DLG2: variants seen among roughly 807,000 people sequenced by gnomAD.
DLG2 encodes the protein disks large homolog 2.
In DLG2, 45 loss-of-function variants were observed where a neutral mutation model predicts 132.5. The observed-to-expected ratio is 0.34, with a 90% confidence interval of 0.27 to 0.44. The LOEUF is 0.44. Among genes scored for constraint, DLG2 ranks in the 20% least tolerant of loss-of-function variants. The pLI, the probability that DLG2 is intolerant of heterozygous loss-of-function variation, is 1.00. For synonymous variants in DLG2, 424 were observed against 419.6 expected (o/e 1.01, Z -0.13); for missense variants, 1,045 against 1,196.9 (o/e 0.87, Z 1.87).
In DLG2 at chr11:83,763,723, T is replaced by C. The variant is rs145734299; in HGVS notation, c.1825+22967A>G. 1.5e-3 allele frequency among the ~76,000 whole-genome samples: 231 copies of C among 152,298 alleles called. 1 individual carries two copies. The highest frequency in any genetic ancestry group is 4.7e-3 in the African/African-American group (195 of 41,562). ...CAGGTTTTTAAAATGGAATATAACA[T>C]ATAATGCTGTATCCCACATTAGCTG... On this transcript the variant is annotated intron_variant, in intron 18 of 27. Coordinates refer to ENST00000376104, the MANE Select transcript of DLG2 (RefSeq NM_001142699.3).
At position 84,819,320 on chromosome 11, in the gene DLG2, G is replaced by T. The variant is rs938595442; in HGVS notation, c.358-284589C>A. On this transcript the variant is annotated intron_variant, in intron 6 of 27. Coordinates refer to ENST00000376104, the MANE Select transcript of DLG2 (RefSeq NM_001142699.3). Reference sequence around the variant, plus strand: ...GCAAACTAGTCACCTCACAGAAAAAGCCAACTCTCTTAAGTCTTGGAAGCC... The same window carrying T: ...GCAAACTAGTCACCTCACAGAAAAATCCAACTCTCTTAAGTCTTGGAAGCC... Among the ~76,000 whole-genome samples the T allele has an allele frequency of 3.3e-5, 5 of 151,846 alleles. 1 individual carries two copies. Among genetic ancestry groups the T allele is most frequent in the African/African-American group, 1.2e-4 (5 of 41,366 alleles).
intron 15 of DLG2, 126 bp downstream of exon 15, chr11:83,930,202 G>A: frequency 4.6e-6 from 5 of 1,097,164 alleles, no homozygotes; most frequent in Admixed American, 2.4e-5. Context: ...GGGAACAGCA[G>A]AACATCTCTC....
chr11:83,941,543 G>A (rs541794702), intron 14 of DLG2, among the ~76,000 whole-genome samples: 30 of 151,690 alleles, frequency 2.0e-4, no homozygotes, highest in East Asian at 7.8e-4. Flanking sequence ...TTACAGGTGC[G>A]TGCCCTCATG....
intron 8 of DLG2, among the ~76,000 whole-genome samples, chr11:84,206,883 CA>C (rs1386748738): frequency 6.6e-6 from 1 of 151,630 alleles, no homozygotes; most frequent in Non-Finnish European, 1.5e-5. Context: ...AAACAAATAC[CA>C]AAAAATTCAT....
intron 6 of DLG2, among the ~76,000 whole-genome samples, chr11:84,558,974 A>G (rs897567178): frequency 1.3e-5 from 2 of 152,118 alleles, no homozygotes; most frequent in Non-Finnish European, 2.9e-5. Context: ...ACATTTTATT[A>G]TAACATTTTT....
chr11:85,076,194 C>T (rs1310365954), intron 6 of DLG2, among the ~76,000 whole-genome samples: 1 of 151,946 alleles, frequency 6.6e-6, no homozygotes, highest in Non-Finnish European at 1.5e-5. Context: ...ATCAGTCTTG[C>T]AAGAGTTTTG....
intron 18 of DLG2, among the ~76,000 whole-genome samples, chr11:83,672,905 C>CA (rs2153578417): frequency 6.6e-6 from 1 of 152,052 alleles, no homozygotes; most frequent in African/African-American, 2.4e-5. Context: ...ACTAAAAATG[C>CA]AAAAAAATTA....
chr11:84,321,441 C>T (rs1318621572), intron 7 of DLG2, among the ~76,000 whole-genome samples: 3 of 152,106 alleles, frequency 2.0e-5, no homozygotes, highest in Admixed American at 6.5e-5. Flanking sequence ...ATACTATAAT[C>T]TTTAAAGTAG....
At chr11:85,459,172 C>G (rs767767122) in intron 3 of DLG2, among the ~76,000 whole-genome samples, 1 of 152,144 alleles carries the variant, frequency 6.6e-6, no homozygotes, top group African/African-American at 2.4e-5. Flanking sequence ...AATTCAAGGA[C>G]AGCAAGGTCA....
chr11:85,254,777 G>T (rs2076579576), intron 4 of DLG2, among the ~76,000 whole-genome samples: 1 of 152,046 alleles, frequency 6.6e-6, no homozygotes. Context: ...GAGGCAGGAG[G>T]ATCATGAGGT....
At chr11:84,037,914 C>A (rs764347676) in intron 11 of DLG2, among the ~76,000 whole-genome samples, 1 of 152,040 alleles carries the variant, frequency 6.6e-6, no homozygotes, top group Non-Finnish European at 1.5e-5. Context: ...GAGACTACTT[C>A]TCTTTGCATA....
intron 5 of DLG2, among the ~76,000 whole-genome samples, chr11:85,150,555 G>C (rs1043003023): frequency 6.6e-6 from 1 of 151,888 alleles, no homozygotes; most frequent in Non-Finnish European, 1.5e-5. Context: ...GTTTTTATCA[G>C]TCTGCCTACT....
intron 6 of DLG2, among the ~76,000 whole-genome samples, chr11:84,662,839 T>G (rs2099696002): frequency 6.7e-6 from 1 of 149,992 alleles, no homozygotes; most frequent in African/African-American, 2.5e-5. Context: ...AGGTCCTGAT[T>G]AGATCCTTCC....
rs114976108 is a variant in DLG2, at chr11:84,170,869, C to T, written c.574-7358G>A. The stretch of plus-strand genomic sequence containing the variant: ...TTTTCTTCCCATCTAGTGCACCTGA[C>T]CAATTGTTACTGTGATTTTTCTATT... On this transcript the variant is annotated intron_variant, in intron 8 of 27. Transcript: ENST00000376104. Among the ~76,000 whole-genome samples, 291 of 152,220 alleles carry T rather than the reference C, an allele frequency of 1.9e-3. 4 individuals are homozygous for T. The highest frequency in any genetic ancestry group is 6.7e-3 in the African/African-American group (277 of 41,528).
chr11:84,077,580 T>C (rs1052093230), intron 10 of DLG2, among the ~76,000 whole-genome samples: 1 of 152,218 alleles, frequency 6.6e-6, no homozygotes, highest in South Asian at 2.1e-4. Context: ...TATTTTTGCA[T>C]GTTTTAGGCT....
chr11:85,124,935 A>G (rs1432999180), intron 5 of DLG2, among the ~76,000 whole-genome samples: 1 of 151,582 alleles, frequency 6.6e-6, no homozygotes, highest in Non-Finnish European at 1.5e-5. Context: ...GGTTCACGCC[A>G]TTCTCCTGCC....
At chr11:85,391,259 C>T (rs959142699) in intron 3 of DLG2, among the ~76,000 whole-genome samples, 3 of 151,914 alleles carry the variant, frequency 2.0e-5, no homozygotes, top group Non-Finnish European at 2.9e-5. Context: ...AAACTCTGAA[C>T]AGGCCAATAA....
chr11:84,563,992 A>G (rs1056804396), intron 6 of DLG2, among the ~76,000 whole-genome samples: 9 of 152,196 alleles, frequency 5.9e-5, no homozygotes, highest in African/African-American at 2.2e-4. Flanking sequence ...ACTCAAAAAA[A>G]TAAAGGATAA....
chr11:85,525,875 C>G (rs1168311258), intron 3 of DLG2, among the ~76,000 whole-genome samples: 1 of 151,948 alleles, frequency 6.6e-6, no homozygotes, highest in African/African-American at 2.4e-5. Context: ...GGAGAGATCT[C>G]AGAGAGTACC....
Sources: gnomAD v4.1 joint callset for allele counts (sites outside exome capture counted in the v4.1 genomes callset) on GRCh38, gnomAD v4.1.1 for gene constraint, MANE v1.5 for transcripts, NCBI Gene and HGNC (gene_info 2026-07-23, HGNC 2026-07-21) for gene names.